NKAIN3: variants seen among roughly 807,000 people sequenced by gnomAD.
The protein encoded by NKAIN3 is sodium/potassium transporting ATPase interacting 3.
Under a neutral mutation model 30.2 loss-of-function variants are expected in NKAIN3, and 25 were observed. The observed-to-expected ratio is 0.83, with a 90% CI of 0.60 to 1.16. The LOEUF (loss-of-function observed/expected upper bound fraction) is 1.16. NKAIN3 is among the 50% of genes most tolerant of loss of function. The pLI is 0.00. For synonymous variants in NKAIN3, 91 were observed against 89.6 expected (o/e 1.02, Z -0.09); for missense variants, 225 against 254.1 (o/e 0.89, Z 0.78).
In NKAIN3 at chr8:62,547,567, A is replaced by G. The variant is rs1416442410; in HGVS notation, c.55-31972A>G. 2.0e-5 allele frequency among the ~76,000 whole-genome samples: 3 copies of G among 152,170 alleles called. No homozygotes were observed. In the East Asian group the frequency reaches 5.8e-4, roughly 29 times the overall value. Reference sequence around the variant, plus strand: ...AAATCTATATTACAGGGCTTCAGTGATTTCAAAAAGTGCCATTGTTTGAGT... The same window carrying G: ...AAATCTATATTACAGGGCTTCAGTGGTTTCAAAAAGTGCCATTGTTTGAGT... On this transcript the variant is annotated intron_variant, in intron 1 of 6. Transcript: ENST00000623646.
chr8:62,286,876 A>AGT (rs1813395614), intron 1 of NKAIN3, among the ~76,000 whole-genome samples: 1 of 151,898 alleles, frequency 6.6e-6, no homozygotes, highest in Admixed American at 6.6e-5. Flanking sequence ...GATACTTGGA[A>AGT]GTATGTTTGT....
At chr8:62,725,260 C>T (rs1267200872) in intron 3 of NKAIN3, among the ~76,000 whole-genome samples, 1 of 152,004 alleles carries the variant, frequency 6.6e-6, no homozygotes, top group African/African-American at 2.4e-5. Context: ...TGTTTGAGCT[C>T]TTTATACATT....
chr8:62,708,603 A>G (rs989844896), intron 3 of NKAIN3, among the ~76,000 whole-genome samples: 39 of 152,168 alleles, frequency 2.6e-4, no homozygotes, highest in African/African-American at 9.2e-4. Flanking sequence ...TTCTTTTATC[A>G]GTTCTAGGAG....
At chr8:62,654,922 G>A (rs1011527103) in intron 3 of NKAIN3, among the ~76,000 whole-genome samples, 1 of 152,170 alleles carries the variant, frequency 6.6e-6, no homozygotes, top group South Asian at 2.1e-4. Flanking sequence ...ACGATAGCAG[G>A]ATTATTGCTA....
chr8:62,830,442 A>G (rs1819161978), intron 4 of NKAIN3, among the ~76,000 whole-genome samples: 1 of 152,204 alleles, frequency 6.6e-6, no homozygotes, highest in South Asian at 2.1e-4. Context: ...CAAGGGACTG[A>G]ATAATAAGAT....
intron 1 of NKAIN3, among the ~76,000 whole-genome samples, chr8:62,409,126 C>T (rs907273859): frequency 1.3e-5 from 2 of 151,844 alleles, no homozygotes; most frequent in Non-Finnish European, 2.9e-5. Flanking sequence ...GTGTTCTGTG[C>T]TATTTTTGTC....
intron 3 of NKAIN3, among the ~76,000 whole-genome samples, chr8:62,633,567 G>A (rs1441594870): frequency 2.0e-5 from 3 of 152,158 alleles, no homozygotes; most frequent in Non-Finnish European, 4.4e-5. Flanking sequence ...GGAGAGAGGG[G>A]CACCACAGAT....
At position 62,979,574 on chromosome 8, in the gene NKAIN3, T is replaced by C. The variant is rs138286340; in HGVS notation, c.*14167T>C. On this transcript the variant is annotated 3_prime_UTR_variant, in exon 7 of 7. Transcript: ENST00000623646. ...AAGCTAAAAGAAATAATATGTCTAATACGATGTGGCATTTTCTCTATACAG... is the reference window on the plus strand; with the variant it reads ...AAGCTAAAAGAAATAATATGTCTAACACGATGTGGCATTTTCTCTATACAG... 163 of 152,346 alleles carry C rather than the reference T, an allele frequency of 1.1e-3. 1 individual carries two copies. The highest frequency in any genetic ancestry group is 3.3e-3 in the Admixed American group (51 of 15,306). 9.4% of individuals were successfully genotyped at this position (152,346 alleles called of 1,614,324 possible).
intron 4 of NKAIN3, among the ~76,000 whole-genome samples, chr8:62,899,348 TGAATG>T (rs2130834765): frequency 6.6e-6 from 1 of 152,196 alleles, no homozygotes; most frequent in African/African-American, 2.4e-5. Context: ...CATCAACAAA[TGAATG>T]GATAAAGAAA....
rs1170724420 is a variant in NKAIN3, at chr8:62,813,974, C to A, written c.471+66845C>A. Among the ~76,000 whole-genome samples the A allele has an allele frequency of 2.0e-5, 3 of 152,080 alleles. No individual in the cohort carries two copies. In the East Asian group the frequency reaches 5.8e-4, roughly 29 times the overall value. Reference sequence around the variant, plus strand: ...TATGAATATATCATCTCATTCTGTCCAGGTCTGTAAGGTTTCTGCTGAGAA... The same window carrying A: ...TATGAATATATCATCTCATTCTGTCAAGGTCTGTAAGGTTTCTGCTGAGAA... On this transcript the variant is annotated intron_variant, in intron 4 of 6. Transcript: ENST00000623646.
At chr8:62,308,015 A>G (rs140568898) in intron 1 of NKAIN3, among the ~76,000 whole-genome samples, 16 of 150,490 alleles carry the variant, frequency 1.1e-4, no homozygotes, top group African/African-American at 3.5e-4. Flanking sequence ...AGGACACTAC[A>G]GTGAAATGGG....
intron 1 of NKAIN3, among the ~76,000 whole-genome samples, chr8:62,271,430 C>G (rs372558809): frequency 1.3e-5 from 2 of 152,122 alleles, no homozygotes; most frequent in Admixed American, 1.3e-4. Flanking sequence ...GAGGAAGTAT[C>G]AAGGTGTTCC....
intron 3 of NKAIN3, among the ~76,000 whole-genome samples, chr8:62,742,124 T>C (rs1331638400): frequency 1.5e-5 from 1 of 66,126 alleles, no homozygotes; most frequent in African/African-American, 4.5e-5. Flanking sequence ...TTAACATGTA[T>C]ATCTTATATA....
intron 4 of NKAIN3, among the ~76,000 whole-genome samples, chr8:62,808,237 T>C (rs531493544): frequency 1.3e-5 from 2 of 152,332 alleles, no homozygotes; most frequent in East Asian, 1.9e-4. Context: ...TCTATTTTCC[T>C]ATTCCTGAAG....
intron 4 of NKAIN3, among the ~76,000 whole-genome samples, chr8:62,822,660 A>T (rs930480771): frequency 1.3e-5 from 2 of 152,176 alleles, no homozygotes; most frequent in Non-Finnish European, 2.9e-5. Flanking sequence ...TGGGCTAAAT[A>T]TTCAACCTGC....
intron 5 of NKAIN3, among the ~76,000 whole-genome samples, chr8:62,950,780 A>C (rs958677253): frequency 8.6e-5 from 13 of 150,358 alleles, no homozygotes; most frequent in Non-Finnish European, 1.5e-4. Flanking sequence ...TTGCCCTGGC[A>C]CTTTATCTGG....
chr8:62,579,971 G>T (rs556525515), intron 2 of NKAIN3, among the ~76,000 whole-genome samples: 2 of 152,184 alleles, frequency 1.3e-5, no homozygotes, highest in East Asian at 3.9e-4. Flanking sequence ...TAGAGTAGGA[G>T]GTCTGCTTGT....
At chr8:62,626,679 C>G (rs1158788220) in intron 3 of NKAIN3, among the ~76,000 whole-genome samples, 1 of 152,066 alleles carries the variant, frequency 6.6e-6, no homozygotes, top group African/African-American at 2.4e-5. Flanking sequence ...ATGAAAAGAA[C>G]ACATTAATAG....
At chr8:62,855,152 C>T (rs10102627) in intron 4 of NKAIN3, 4,640 of 234,928 alleles carry the variant, frequency 0.02, 210 homozygotes, top group African/African-American at 0.097. Flanking sequence ...ACACCTTCAC[C>T]GTGGCAACAG....
Sources: allele counts gnomAD v4.1 joint callset (sites outside exome capture counted in the v4.1 genomes callset), GRCh38; gene constraint gnomAD v4.1.1; transcripts MANE v1.5; gene names NCBI Gene and HGNC (gene_info 2026-07-23, HGNC 2026-07-21).